C4orf50: variants seen among roughly 807,000 people sequenced by gnomAD.
The protein encoded by C4orf50 is uncharacterized protein C4orf50.
A neutral mutation model predicts 77.2 loss-of-function variants in C4orf50; 80 were observed. The ratio of observed to expected loss-of-function variants is 1.04; its 90% CI spans 0.87 to 1.25. C4orf50 has a LOEUF of 1.25. Among genes scored for constraint, C4orf50 ranks in the 50% most tolerant of loss-of-function variants. C4orf50 has a pLI of 0.00. For synonymous variants in C4orf50, 532 were observed against 465.3 expected, an observed-to-expected ratio of 1.14 and a Z score of -1.84; for missense variants, 1,257 against 1,152.9, an observed-to-expected ratio of 1.09 and a Z score of -1.31.
downstream of C4orf50, among the ~76,000 whole-genome samples, chr4:5,952,827 A>G (rs961229910): frequency 6.6e-6 from 1 of 151,728 alleles, no homozygotes; most frequent in Non-Finnish European, 1.5e-5. This position sits in a 1 kb window ranked among gnomAD's most constrained non-coding sequence, Gnocchi z 4.4. Flanking sequence ...CGACACCGAC[A>G]CTCCCGCCTC....
At chr4:5,983,438 C>T (rs1465038662) in intron 28 of C4orf50, among the ~76,000 whole-genome samples, 1 of 152,194 alleles carries the variant, frequency 6.6e-6, no homozygotes, top group African/African-American at 2.4e-5. Flanking sequence ...TGTCCTGCCT[C>T]AAGGCCTGGC....
At chr4:5,915,352 A>G (rs893520572) in intron 7 of C4orf50, among the ~76,000 whole-genome samples, 1 of 152,216 alleles carries the variant, frequency 6.6e-6, no homozygotes, top group African/African-American at 2.4e-5. Flanking sequence ...ATGTGCACAC[A>G]TGCTACTAGG....
intron 28 of C4orf50, among the ~76,000 whole-genome samples, chr4:5,983,319 C>A (rs1037998595): frequency 2.2e-4 from 34 of 152,240 alleles, no homozygotes; most frequent in African/African-American, 7.7e-4. Context: ...AAGCCTTCTG[C>A]AACCTGCCTT....
chr4:5,975,191 G>A (rs936788851), intron 30 of C4orf50, among the ~76,000 whole-genome samples: 1 of 135,128 alleles, frequency 7.4e-6, no homozygotes. Context: ...ACATCACAGT[G>A]TTTGCACACA....
exon 26 of C4orf50, chr4:5,994,413 A>G (rs1721462932): frequency 5.0e-6 from 2 of 399,154 alleles, no homozygotes; most frequent in Non-Finnish European, 4.4e-6. Context: ...TGGCTTCTGC[A>G]GGGGTCCAGG....
downstream of C4orf50, among the ~76,000 whole-genome samples, chr4:5,955,359 T>C (rs895103590): frequency 1.3e-5 from 2 of 152,012 alleles, no homozygotes; most frequent in African/African-American, 4.8e-5. The surrounding 1 kb of genome is among the most constrained non-coding windows in gnomAD (Gnocchi z 5.1). Context: ...GGGTGTGTGC[T>C]TGGCTCCTGG....
At position 5,993,027 on chromosome 4, in the gene C4orf50, G is replaced by A. The variant is rs58900514; in HGVS notation, c.1094-97C>T. The A allele has an allele frequency of 7.8e-3, 3,070 of 392,848 alleles. 78 individuals are homozygous for A. The highest frequency in any genetic ancestry group is 0.06 in the African/African-American group (2,833 of 47,502). 24.3% of individuals were successfully genotyped at this position (392,848 alleles called of 1,614,324 possible). On this transcript the variant is annotated intron_variant, in intron 26 of 33. Transcript: ENST00000531445. ...CACGTCCCCCAGGCTTGGGTAAGATGGCACCCCCCCCACCCCCGACTGTGA... is the reference window on the plus strand; with the variant it reads ...CACGTCCCCCAGGCTTGGGTAAGATAGCACCCCCCCCACCCCCGACTGTGA...
intron 28 of C4orf50, among the ~76,000 whole-genome samples, chr4:5,986,538 ATTTTT>A (rs199690104): frequency 6.6e-5 from 9 of 136,204 alleles, no homozygotes; most frequent in East Asian, 2.3e-4. Context: ...TAACAACGTC[ATTTTT>A]TTTTTTTTTT....
At chr4:5,990,323 G>C (rs1344427454) in exon 28 of C4orf50, 1 of 938,796 alleles carries the variant, frequency 1.1e-6, no homozygotes, top group Non-Finnish European at 1.4e-6. Context: ...TTGTCACCAA[G>C]GTTTTTCCCC....
intron 7 of C4orf50, among the ~76,000 whole-genome samples, chr4:5,914,214 T>G (rs1356386603): frequency 6.8e-6 from 1 of 146,008 alleles, no homozygotes; most frequent in Non-Finnish European, 1.5e-5. Flanking sequence ...TGTTTTTTTT[T>G]TTTTTTTTTT....
At chr4:5,910,352 A>T (rs975673097) in intron 7 of C4orf50, among the ~76,000 whole-genome samples, 2 of 152,190 alleles carry the variant, frequency 1.3e-5, no homozygotes, top group Admixed American at 1.3e-4. Flanking sequence ...TCTCATAGGG[A>T]ATTAAATCTA....
rs574938491 is a variant in C4orf50, at chr4:5,904,488, G to T, written c.*2475-6300C>A. 8.5e-5 allele frequency: 13 copies of T among 152,382 alleles called. No homozygotes were observed. In the South Asian group the frequency reaches 2.7e-3, roughly 32 times the overall value. 9.4% of individuals were successfully genotyped at this position (152,382 alleles called of 1,614,324 possible). On this transcript the variant is annotated intron_variant, in intron 7 of 7. Transcript: ENST00000324058. ...TGTGGAAGCTTCCTGTCTGGCCAGA[G>T]CCTGCCCCTCAGTAGGAACTCAGCC...
At chr4:5,898,711 G>A (rs1716227054) in intron 7 of C4orf50, 1 of 152,122 alleles carries the variant, frequency 6.6e-6, no homozygotes, top group Non-Finnish European at 1.5e-5. Context: ...CTGACTCAAA[G>A]TTAGTATCAA....
intron 25 of C4orf50, among the ~76,000 whole-genome samples, chr4:6,001,766 C>G (rs936618766): frequency 6.6e-6 from 1 of 152,254 alleles, no homozygotes; most frequent in Non-Finnish European, 1.5e-5. Context: ...CAGTGCCTGT[C>G]TTGCAAGATG....
intron 25 of C4orf50, among the ~76,000 whole-genome samples, chr4:6,004,027 G>GTGATAGTGATGATGGTGA (rs1722025291): frequency 1.3e-4 from 4 of 30,752 alleles, no homozygotes; most frequent in African/African-American, 5.0e-4. Context: ...TGGTGATAAT[G>GTGATAGTGATGATGGTGA]TGATAGTGAT....
rs1717053200 is a variant in C4orf50 at position 5,916,923 on chromosome 4, T to C, written c.*2475-18735A>G. 6.6e-6 allele frequency among the ~76,000 whole-genome samples: 1 copy of C among 152,016 alleles called. No homozygotes were observed. Among genetic ancestry groups the C allele is most frequent in the Non-Finnish European group, 1.5e-5 (1 of 67,998 alleles). ...GACAGTGCCATCGGGCCCAAACACA[T>C]CACTATGTGGACTGAAGAGGGTGGA... On this transcript the variant is annotated intron_variant, in intron 7 of 7. Coordinates refer to the C4orf50 transcript ENST00000324058. The surrounding 1 kb of genome is among the most constrained non-coding windows in gnomAD (Gnocchi z 4.4).
At chr4:5,912,337 T>C (rs1036345131) in intron 7 of C4orf50, among the ~76,000 whole-genome samples, 2 of 151,756 alleles carry the variant, frequency 1.3e-5, no homozygotes, top group African/African-American at 4.8e-5. Flanking sequence ...AATGGATGCA[T>C]GAATGAATGA....
chr4:6,011,952 G>C lies in C4orf50; in HGVS notation c.304C>G (p.Leu102Val), dbSNP rs1214415882. The stretch of plus-strand genomic sequence containing the variant: ...TTCCGGAGGAGTTTCCTTTCTGACA[G>C]CTCCAGCTCCTGAATTCTGCAGCAT... The change falls in exon 24 of 34, where the codon CTG becomes GTG. Residue 102 changes from leucine (L) to valine (V), a missense_variant. Transcript: ENST00000531445. The surrounding 1 kb of genome is among the most constrained non-coding windows in gnomAD (Gnocchi z 4.2). 2.5e-6 allele frequency: 1 copy of C among 398,962 alleles called. No individual in the cohort carries two copies. Among genetic ancestry groups the C allele is most frequent in the African/African-American group, 2.1e-5 (1 of 48,638 alleles). The allele number at this position is 398,962 out of a possible 1,614,324, so 24.7% of individuals were successfully genotyped here. A position where few individuals can be genotyped will look rare whatever the true frequency, so the allele number is the denominator to read the frequency against.
intron 7 of C4orf50, among the ~76,000 whole-genome samples, chr4:5,943,430 A>C (rs1577914680): frequency 6.6e-6 from 1 of 152,266 alleles, no homozygotes; most frequent in South Asian, 2.1e-4. Flanking sequence ...CCAGGGGTGA[A>C]CTCTGGGACA....
Sources: gnomAD v4.1 joint callset for allele counts (sites outside exome capture counted in the v4.1 genomes callset) on GRCh38, gnomAD v4.1.1 for gene constraint, Gnocchi (gnomAD v3.1) non-coding constraint, MANE v1.5 for transcripts, NCBI Gene and HGNC (gene_info 2026-07-23, HGNC 2026-07-21) for gene names.